The following CHL1 variants were observed in gnomAD, a reference collection of about 807,000 sequenced individuals.
The protein encoded by CHL1 is neural cell adhesion molecule L1-like protein.
Under a neutral mutation model 141.9 loss-of-function variants are expected in CHL1, and 96 were observed. That is an observed-to-expected ratio of 0.68 (90% confidence interval 0.57 to 0.80). The LOEUF is 0.80. CHL1 is among the 30% of genes least tolerant of loss of function. The probability of loss-of-function intolerance (pLI) is 0.00; values close to 1 mark genes in which losing one functional copy is unlikely to be tolerated. For synonymous variants in CHL1, 613 were observed against 502.2 expected (o/e 1.22, Z -2.95); for missense variants, 1,820 against 1,457.2 (o/e 1.25, Z -4.05).
At chr3:382,891 A>G (rs1034969970) in intron 18 of CHL1, among the ~76,000 whole-genome samples, 1 of 151,030 alleles carries the variant, frequency 6.6e-6, no homozygotes, top group African/African-American at 2.4e-5. Flanking sequence ...GTGACATATG[A>G]AAAAAAAACA....
chr3:255,254 T>A (rs1694048664), intron 2 of CHL1, among the ~76,000 whole-genome samples: 1 of 152,218 alleles, frequency 6.6e-6, no homozygotes, highest in Non-Finnish European at 1.5e-5. Flanking sequence ...TGTTTGTAGT[T>A]AAAAAGTCTC....
At chr3:318,133 T>C (rs1700283716) in intron 2 of CHL1, among the ~76,000 whole-genome samples, 1 of 151,884 alleles carries the variant, frequency 6.6e-6, no homozygotes, top group South Asian at 2.1e-4. Context: ...AATATAATTT[T>C]GTTCTCAAAG....
chr3:313,543 C>T (rs979723097), intron 2 of CHL1, among the ~76,000 whole-genome samples: 1 of 151,954 alleles, frequency 6.6e-6, no homozygotes, highest in Non-Finnish European at 1.5e-5. Context: ...GTAAACATGA[C>T]ATCATGACTG....
At chr3:325,256 G>A (rs567969062) in intron 3 of CHL1, among the ~76,000 whole-genome samples, 58 of 151,534 alleles carry the variant, frequency 3.8e-4, no homozygotes, top group African/African-American at 1.3e-3. Flanking sequence ...TGAAATGTTA[G>A]CATTCACTGG....
At chr3:336,344 G>A (rs568139285) in intron 5 of CHL1, among the ~76,000 whole-genome samples, 5 of 152,148 alleles carry the variant, frequency 3.3e-5, no homozygotes, top group South Asian at 2.1e-4. Flanking sequence ...ACATGGTAGC[G>A]GTTAAGATGC....
chr3:262,504 C>T (rs1364263139), intron 2 of CHL1, among the ~76,000 whole-genome samples: 5 of 124,024 alleles, frequency 4.0e-5, no homozygotes, highest in African/African-American at 8.2e-5. Flanking sequence ...AGGATTCACA[C>T]GTTTAAGCCT....
chr3:272,746 G>C (rs3872668), intron 2 of CHL1, among the ~76,000 whole-genome samples: 57,949 of 152,026 alleles, frequency 0.38, 11,214 homozygotes, highest in South Asian at 0.57. Context: ...TGATCATAAA[G>C]ATGACTCCTT....
Position 200,842 on chromosome 3 carries a change from T to C in CHL1, c.-175+3779T>C, listed in dbSNP as rs926289559. Among the ~76,000 whole-genome samples the C allele has an allele frequency of 3.9e-5, 6 of 152,220 alleles. No homozygotes were observed. In the East Asian group the frequency reaches 7.7e-4, roughly 20 times the overall value. On this transcript the variant is annotated intron_variant, in intron 1 of 27. Transcript: ENST00000256509. ...TTAATTAGATATGCTGCTTTCTTTTTTCTGTACATCTTTATCTGAGGAAAG... is the reference window on the plus strand; with the variant it reads ...TTAATTAGATATGCTGCTTTCTTTTCTCTGTACATCTTTATCTGAGGAAAG...
At position 407,840 on chromosome 3, in the gene CHL1, C is replaced by A. The variant is rs1318213726; in HGVS notation, c.*2129C>A. 6.6e-6 allele frequency: 1 copy of A among 152,156 alleles called. No homozygotes were observed. Among genetic ancestry groups the A allele is most frequent in the Non-Finnish European group, 1.5e-5 (1 of 68,018 alleles). The allele number at this position is 152,156 out of a possible 1,614,324, so 9.4% of individuals were successfully genotyped here. ...TGAAATATTAGCTCTTCCTACACTT[C>A]GTGTTCCCCTTTAGCTGCCTGAAAA... On this transcript the variant is annotated 3_prime_UTR_variant, in exon 28 of 28. Coordinates refer to ENST00000256509, the MANE Select transcript of CHL1 (RefSeq NM_006614.4).
intron 6 of CHL1, 141 bp downstream of exon 6, chr3:341,057 T>C (rs1702308869): frequency 1.2e-6 from 1 of 847,040 alleles, no homozygotes; most frequent in Non-Finnish European, 1.8e-6. Flanking sequence ...GCTACTAATA[T>C]GATAAGATTT....
chr3:255,833 G>A (rs116504581), intron 2 of CHL1, among the ~76,000 whole-genome samples: 88 of 152,312 alleles, frequency 5.8e-4, no homozygotes, highest in African/African-American at 2.0e-3. Context: ...CCAGGTAGCT[G>A]TTTTGTTTGT....
At position 405,591 on chromosome 3, in the gene CHL1, G is replaced by C. The variant is rs77982207; in HGVS notation, c.3555G>C (p.Glu1185Asp). 3 of 1,613,278 alleles carry C rather than the reference G, an allele frequency of 1.9e-6. No homozygotes were observed. In the African/African-American group the frequency reaches 4.0e-5, roughly 22 times the overall value. The part of the protein sequence containing the change: ...ESADSLVEYG[E>D]GDHGLFSEDG... Reference sequence around the variant, plus strand: ...CTGACAGCTTAGTCGAATACGGAGAGGGAGACCATGGTCTCTTCAGTGAAG... The same window carrying C: ...CTGACAGCTTAGTCGAATACGGAGACGGAGACCATGGTCTCTTCAGTGAAG... Residue 1185 changes from glutamate (E) to aspartate (D), a missense_variant, in exon 28 of 28, where the codon GAG becomes GAC. Glu to Asp is a conservative substitution (Grantham distance 45). Coordinates refer to ENST00000256509, the MANE Select transcript of CHL1 (RefSeq NM_006614.4).
chr3:376,488 A>G, intron 15 of CHL1: 1 of 490,452 alleles, frequency 2.0e-6, no homozygotes, highest in Non-Finnish European at 4.0e-6. Flanking sequence ...GATTAATTGG[A>G]GGCACCTAAG....
At chr3:228,879 A>G (rs909494807) in intron 1 of CHL1, among the ~76,000 whole-genome samples, 2 of 152,214 alleles carry the variant, frequency 1.3e-5, no homozygotes, top group Non-Finnish European at 2.9e-5. Context: ...TATCAGATGT[A>G]AAAAGTATTG....
At chr3:313,957 AC>A (rs1202539532) in intron 2 of CHL1, among the ~76,000 whole-genome samples, 214 of 152,324 alleles carry the variant, frequency 1.4e-3, no homozygotes, top group African/African-American at 4.8e-3. Flanking sequence ...GCAATGAGTT[AC>A]ATTAGTTGCT....
At chr3:316,579 T>A (rs1008114664) in intron 2 of CHL1, among the ~76,000 whole-genome samples, 1 of 151,968 alleles carries the variant, frequency 6.6e-6, no homozygotes, top group Non-Finnish European at 1.5e-5. Context: ...TTGATATCAT[T>A]AATATAAGCT....
At chr3:356,605 C>T (rs1384311030) in intron 11 of CHL1, among the ~76,000 whole-genome samples, 1 of 152,102 alleles carries the variant, frequency 6.6e-6, no homozygotes, top group Non-Finnish European at 1.5e-5. Flanking sequence ...GAGTTGCAAT[C>T]TTAAGATCAT....
chr3:290,480 T>C (rs1697587341), intron 2 of CHL1, among the ~76,000 whole-genome samples: 2 of 152,156 alleles, frequency 1.3e-5, no homozygotes, highest in Non-Finnish European at 1.5e-5. Context: ...CTTTTAGTCA[T>C]CAGAAGCCAA....
At chr3:397,490 T>C (rs550564357) in intron 24 of CHL1, among the ~76,000 whole-genome samples, 234 of 152,226 alleles carry the variant, frequency 1.5e-3, no homozygotes, top group African/African-American at 5.4e-3. Flanking sequence ...ATGTTTATTA[T>C]ATTGAGTTGA....
Sources: gnomAD v4.1 joint callset for allele counts (sites outside exome capture counted in the v4.1 genomes callset) on GRCh38, gnomAD v4.1.1 for gene constraint, MANE v1.5 for transcripts, NCBI Gene and HGNC (gene_info 2026-07-23, HGNC 2026-07-21) for gene names.